The following UTS2B variants were observed in gnomAD, a reference collection of about 807,000 sequenced individuals.
UTS2B encodes urotensin 2B.
A neutral mutation model predicts 19.2 loss-of-function variants in UTS2B; 21 were observed. The observed-to-expected ratio is 1.09, with a 90% CI of 0.78 to 1.58. The LOEUF (loss-of-function observed/expected upper bound fraction) is 1.58. Ranked by LOEUF, UTS2B falls within the 40% of genes most tolerant of loss-of-function variation. The pLI, the probability that UTS2B is intolerant of heterozygous loss-of-function variation, is 0.00. For missense variants in UTS2B, 138 were observed against 130.3 expected (o/e 1.06, Z -0.29); for synonymous variants, 57 against 50.2 (o/e 1.14, Z -0.58).
intron 4 of UTS2B, among the ~76,000 whole-genome samples, chr3:191,295,439 C>T (rs1040245227): frequency 6.6e-6 from 1 of 151,918 alleles, no homozygotes; most frequent in African/African-American, 2.4e-5. Flanking sequence ...CTTCTTTTAG[C>T]ATTTCCTCTT....
chr3:191,330,846 T>G (rs1717957009), upstream of UTS2B, among the ~76,000 whole-genome samples: 2 of 152,180 alleles, frequency 1.3e-5, no homozygotes, highest in Admixed American at 1.3e-4. Flanking sequence ...AGGAGACTAG[T>G]GACTAGTGGT....
At chr3:191,310,015 C>T (rs1002349827) in intron 3 of UTS2B, among the ~76,000 whole-genome samples, 2 of 151,188 alleles carry the variant, frequency 1.3e-5, no homozygotes, top group Non-Finnish European at 2.9e-5. Flanking sequence ...CAGGCTGGAG[C>T]GCAGTGGCAC....
chr3:191,273,606 A>C, intron 8 of UTS2B: 1 of 456,548 alleles, frequency 2.2e-6, no homozygotes. Flanking sequence ...CAAGCATTGG[A>C]CTCGATTCCC....
chr3:191,326,412 C>T (rs963965585), intron 2 of UTS2B, among the ~76,000 whole-genome samples: 20 of 152,118 alleles, frequency 1.3e-4, no homozygotes, highest in African/African-American at 4.3e-4. Flanking sequence ...TTTCTTATGA[C>T]CAAAGTCTCC....
intron 2 of UTS2B, among the ~76,000 whole-genome samples, chr3:191,317,074 T>A (rs1000519560): frequency 6.6e-6 from 1 of 152,186 alleles, no homozygotes; most frequent in East Asian, 1.9e-4. Context: ...GTGGTGCCCG[T>A]CAGGGAGGCT....
intron 8 of UTS2B, among the ~76,000 whole-genome samples, chr3:191,271,691 G>C (rs1716099501): frequency 6.6e-6 from 1 of 152,072 alleles, no homozygotes; most frequent in African/African-American, 2.4e-5. Context: ...TCAGTTTTTA[G>C]GTATCTTTTC....
chr3:191,279,588 A>T (rs963658855), intron 5 of UTS2B, among the ~76,000 whole-genome samples: 2 of 152,008 alleles, frequency 1.3e-5, no homozygotes, highest in African/African-American at 4.8e-5. Flanking sequence ...TATGGATCTA[A>T]AGCTTTTTTC....
In UTS2B at chr3:191,314,517, G is replaced by T. The variant is rs1339851140; in HGVS notation, c.-182+1519C>A. 2.0e-5 allele frequency among the ~76,000 whole-genome samples: 3 copies of T among 152,224 alleles called. No individual in the cohort carries two copies. The East Asian group carries it at 5.8e-4, about 29-fold the overall frequency. On this transcript the variant is annotated intron_variant, in intron 3 of 8. Transcript: ENST00000340524. ...TTGTGATATTGTGAAACATATATTT[G>T]GTCTTTGACCCTGTTTCCTGGCATA...
intron 2 of UTS2B, among the ~76,000 whole-genome samples, chr3:191,322,753 T>C (rs1717643202): frequency 1.3e-5 from 2 of 152,112 alleles, no homozygotes; most frequent in East Asian, 3.8e-4. Context: ...AATGAAGAAA[T>C]GGGGTCTCAT....
intron 4 of UTS2B, among the ~76,000 whole-genome samples, chr3:191,286,214 A>T (rs1716540014): frequency 6.6e-6 from 1 of 152,228 alleles, no homozygotes; most frequent in African/African-American, 2.4e-5. Context: ...TCAACAATGA[A>T]CAGATTGTAC....
the UTS2B span, among the ~76,000 whole-genome samples, chr3:191,341,398 T>C: frequency 0.16 from 23,845 of 152,134 alleles, 2,792 homozygotes; most frequent in African/African-American, 0.33. Flanking sequence ...TTCAAAGAAA[T>C]TAAGTACTTG....
At chr3:191,272,793 G>A (rs1180758516) in intron 8 of UTS2B, among the ~76,000 whole-genome samples, 11 of 149,910 alleles carry the variant, frequency 7.3e-5, no homozygotes, top group African/African-American at 2.5e-4. Context: ...CCCAAAAGGC[G>A]AAGGTTGCAG....
intron 2 of UTS2B, among the ~76,000 whole-genome samples, chr3:191,325,994 T>C (rs908395183): frequency 6.6e-6 from 1 of 152,202 alleles, no homozygotes; most frequent in Non-Finnish European, 1.5e-5. Context: ...ACAGTTCTAA[T>C]TGCATCCTCA....
chr3:191,300,038 T>A (rs1443183609), intron 4 of UTS2B, among the ~76,000 whole-genome samples: 3 of 151,674 alleles, frequency 2.0e-5, no homozygotes, highest in African/African-American at 7.3e-5. Flanking sequence ...CATTTTTTTT[T>A]ATATATACAC....
At chr3:191,302,782 T>C (rs1287682440) in intron 4 of UTS2B, among the ~76,000 whole-genome samples, 1 of 152,208 alleles carries the variant, frequency 6.6e-6, no homozygotes, top group Admixed American at 6.5e-5. Flanking sequence ...CCCCAGAATA[T>C]GGCACTTTTG....
At chr3:191,292,689 T>C (rs1308673252) in intron 4 of UTS2B, among the ~76,000 whole-genome samples, 1 of 152,224 alleles carries the variant, frequency 6.6e-6, no homozygotes, top group Admixed American at 6.5e-5. Context: ...CAGTACAATG[T>C]TGAATAAAAG....
chr3:191,342,232 T>C, the UTS2B span, among the ~76,000 whole-genome samples: 13,024 of 152,308 alleles, frequency 0.086, 644 homozygotes, highest in East Asian at 0.21. Flanking sequence ...AGAATGGAAT[T>C]GCCAGTATTG....
intron 4 of UTS2B, among the ~76,000 whole-genome samples, chr3:191,298,067 C>A (rs1040683065): frequency 6.6e-6 from 1 of 152,146 alleles, no homozygotes; most frequent in Non-Finnish European, 1.5e-5. Flanking sequence ...TTTGATGAAT[C>A]CTTTCTTATC....
At chr3:191,302,011 A>G (rs760812775) in intron 4 of UTS2B, among the ~76,000 whole-genome samples, 21 of 152,114 alleles carry the variant, frequency 1.4e-4, no homozygotes, top group Admixed American at 1.3e-3. Flanking sequence ...CTGGGCTGCA[A>G]TCCCAGGGGG....
Sources: gnomAD v4.1 joint callset for allele counts (sites outside exome capture counted in the v4.1 genomes callset) on GRCh38, gnomAD v4.1.1 for gene constraint, MANE v1.5 for transcripts, NCBI Gene and HGNC (gene_info 2026-07-23, HGNC 2026-07-21) for gene names.